Variants in IGBP1 observed in about 807,000 individuals in gnomAD.
IGBP1 encodes immunoglobulin binding protein 1, also known as immunoglobulin-binding protein 1.
Under a neutral mutation model 25.9 loss-of-function variants are expected in IGBP1, and 2 were observed. The ratio of observed to expected loss-of-function variants is 0.08; its 90% CI spans 0.03 to 0.24. The LOEUF is 0.24. IGBP1 is among the 10% of genes least tolerant of loss of function. The pLI, the probability that IGBP1 is intolerant of heterozygous loss-of-function variation, is 1.00. For synonymous variants in IGBP1, 96 were observed against 93.4 expected (o/e 1.03, Z -0.16); for missense variants, 187 against 260.4 (o/e 0.72, Z 1.94).
Position 70,152,792 on chromosome X carries a change from T to G in IGBP1, c.871+2470T>G, listed in dbSNP as rs4272541. On this transcript the variant is annotated intron_variant, in intron 6 of 6. Coordinates refer to ENST00000356413, the MANE Select transcript of IGBP1 (RefSeq NM_001551.3). ...TTAACTTGAAGATCAATAGAAATTA[T>G]CCAATTTGAAAAAAAAGATTGGATA... Among the ~76,000 whole-genome samples, 336 of 110,012 alleles carry G rather than the reference T, an allele frequency of 3.1e-3. 3 individuals are homozygous for G. Among genetic ancestry groups the G allele is most frequent in the African/African-American group, 0.011 (325 of 30,249 alleles).
At position 70,166,172 on chromosome X, in the gene IGBP1, G is replaced by A; in HGVS notation, c.*191G>A. 1 of 433,559 alleles carries A rather than the reference G, an allele frequency of 2.3e-6. No homozygotes were observed. The highest frequency in any genetic ancestry group is 4.0e-5 in the South Asian group (1 of 24,820). The allele number at this position is 433,559 out of a possible 1,213,427, so 35.7% of individuals were successfully genotyped here. ...GTACCCTAGATGATATGAACCAGCAGTCTTGTTTTGGCATCATCCTCATCA... is the reference window on the plus strand; with the variant it reads ...GTACCCTAGATGATATGAACCAGCAATCTTGTTTTGGCATCATCCTCATCA... On this transcript the variant is annotated 3_prime_UTR_variant, in exon 7 of 7. Transcript: ENST00000356413.
At position 70,143,008 on chromosome X, in the gene IGBP1, C is replaced by T. The variant is rs184042246; in HGVS notation, c.483-3625C>T. 2.4e-3 allele frequency among the ~76,000 whole-genome samples: 251 copies of T among 105,114 alleles called. 4 individuals carry two copies. Among genetic ancestry groups the T allele is most frequent in the African/African-American group, 8.4e-3 (241 of 28,666 alleles). 91.3% of individuals were successfully genotyped at this position (105,114 alleles called of 115,157 possible). ...GCGCGACCTCGGCTCACTGCAAGCT[C>T]CGCCTCCCGGGTTCAAGCCATTCTC... On this transcript the variant is annotated intron_variant, in intron 3 of 6. Coordinates refer to ENST00000356413, the MANE Select transcript of IGBP1 (RefSeq NM_001551.3).
chrX:70,160,475 G>A (rs2085265529), intron 6 of IGBP1, among the ~76,000 whole-genome samples: 1 of 111,715 alleles, frequency 9.0e-6, no homozygotes, highest in Non-Finnish European at 1.9e-5. Context: ...AACTCAGAGG[G>A]AAAAAAATGT....
chrX:70,133,947 G>C lies in IGBP1; in HGVS notation c.-1G>C. On this transcript the variant is annotated 5_prime_UTR_variant, in exon 2 of 7. Transcript: ENST00000356413. Reference sequence around the variant, plus strand: ...ATCTTCCGGGTTCCTCTCTCCCCAAGATGGCTGCTGAGGACGAGTTACAGC... The same window carrying C: ...ATCTTCCGGGTTCCTCTCTCCCCAACATGGCTGCTGAGGACGAGTTACAGC... The C allele has an allele frequency of 8.3e-7, 1 of 1,209,986 alleles. No individual in the cohort carries two copies. Among genetic ancestry groups the C allele is most frequent in the Non-Finnish European group, 1.1e-6 (1 of 894,052 alleles).
At chrX:70,138,695 C>G (rs910482474) in intron 3 of IGBP1, among the ~76,000 whole-genome samples, 4 of 110,508 alleles carry the variant, frequency 3.6e-5, no homozygotes, top group Non-Finnish European at 5.7e-5. Flanking sequence ...GCTTTTTATC[C>G]TGTTTTTTTA....
At chrX:70,146,176 G>C (rs1314063309) in intron 3 of IGBP1, among the ~76,000 whole-genome samples, 1 of 111,918 alleles carries the variant, frequency 8.9e-6, no homozygotes, top group Non-Finnish European at 1.9e-5. Flanking sequence ...AAGAAAAAAA[G>C]AGTTGATCAT....
intron 3 of IGBP1, among the ~76,000 whole-genome samples, chrX:70,144,061 A>G (rs1196831415): frequency 2.7e-5 from 3 of 111,947 alleles, no homozygotes; most frequent in Non-Finnish European, 3.8e-5. Flanking sequence ...GGTGGTGCAC[A>G]CCTATAATCC....
intron 3 of IGBP1, among the ~76,000 whole-genome samples, chrX:70,137,969 C>CAAAAAAAAAA (rs151148886): frequency 1.1e-3 from 74 of 67,543 alleles, no homozygotes; most frequent in African/African-American, 3.8e-3. Context: ...GCCATCTCTG[C>CAAAAAAAAAA]AAAAAAAAAA....
chrX:70,134,578 C>A lies in IGBP1; in HGVS notation c.244C>A (p.Pro82Thr). 2 of 1,211,122 alleles carry A rather than the reference C, an allele frequency of 1.7e-6. No individual in the cohort carries two copies. Among genetic ancestry groups the A allele is most frequent in the Middle Eastern group, 2.3e-4 (1 of 4,327 alleles). The change falls in exon 3 of 7, where the codon CCA becomes ACA. Residue 82 changes from proline (P) to threonine (T), a missense_variant. Transcript: ENST00000356413. ...ASTDLKYLLV[P>T]AFQGALTMKQ... ...CACCGACCTGAAGTACCTTTTGGTGCCAGCGTTTCAAGGAGCCCTCACCAT... is the reference window on the plus strand; with the variant it reads ...CACCGACCTGAAGTACCTTTTGGTGACAGCGTTTCAAGGAGCCCTCACCAT...
intron 6 of IGBP1, among the ~76,000 whole-genome samples, 154 bp from the exon 7 acceptor site, chrX:70,165,679 T>A (rs2085293962): frequency 9.0e-6 from 1 of 111,287 alleles, no homozygotes; most frequent in Admixed American, 9.6e-5. Flanking sequence ...TAATGCAAGT[T>A]CTCTCCCCGC....
intron 3 of IGBP1, among the ~76,000 whole-genome samples, chrX:70,142,805 T>C (rs1477105826): frequency 9.2e-6 from 1 of 108,614 alleles, no homozygotes; most frequent in East Asian, 2.9e-4. Context: ...CGCAACGAAG[T>C]GAGACCAAAA....
intron 5 of IGBP1, among the ~76,000 whole-genome samples, chrX:70,149,244 A>G (rs1357379945): frequency 9.0e-6 from 1 of 111,052 alleles, no homozygotes; most frequent in Non-Finnish European, 1.9e-5. Context: ...AAAAAAAAAA[A>G]AGTCATGATC....
At chrX:70,138,289 T>C (rs1024973083) in intron 3 of IGBP1, among the ~76,000 whole-genome samples, 1 of 110,652 alleles carries the variant, frequency 9.0e-6, no homozygotes, top group Non-Finnish European at 1.9e-5. Flanking sequence ...AAGACCAGCC[T>C]AGGCAACAAA....
chrX:70,143,674 C>CAGTAGT (rs1333005330), intron 3 of IGBP1, among the ~76,000 whole-genome samples: 1 of 89,233 alleles, frequency 1.1e-5, no homozygotes, highest in East Asian at 3.9e-4. Flanking sequence ...AGGTCTAAGA[C>CAGTAGT]AGTAGTTTTC....
At chrX:70,138,890 G>C (rs754079828) in intron 3 of IGBP1, among the ~76,000 whole-genome samples, 2 of 111,938 alleles carry the variant, frequency 1.8e-5, no homozygotes, top group Admixed American at 9.5e-5. Flanking sequence ...GTTTCCTTAG[G>C]GTAGATTTCT....
rs2085296633 is a variant in IGBP1 at position 70,166,145 on chromosome X, T to C, written c.*164T>C. On this transcript the variant is annotated 3_prime_UTR_variant, in exon 7 of 7. Transcript: ENST00000356413. ...AAGTGTCAAGTGATTAAGTGTGTAT[T>C]TGTACCCTAGATGATATGAACCAGC... The C allele has an allele frequency of 4.2e-6, 2 of 474,478 alleles. No individual in the cohort carries two copies. Among genetic ancestry groups the C allele is most frequent in the South Asian group, 7.1e-5 (2 of 28,214 alleles). 39.1% of individuals were successfully genotyped at this position (474,478 alleles called of 1,213,427 possible).
At chrX:70,141,594 C>T (rs1238368819) in intron 3 of IGBP1, among the ~76,000 whole-genome samples, 1 of 111,319 alleles carries the variant, frequency 9.0e-6, no homozygotes, top group East Asian at 2.8e-4. Context: ...TAATTGCATC[C>T]CCTTGGTGCT....
At chrX:70,153,318 C>T (rs770471989) in intron 6 of IGBP1, among the ~76,000 whole-genome samples, 7 of 112,029 alleles carry the variant, frequency 6.2e-5, no homozygotes, top group African/African-American at 1.3e-4. Context: ...AAGGAAATTC[C>T]TCAGGCTGAG....
chrX:70,133,520 A>ACTCGCT lies in IGBP1; in HGVS notation c.-245_-244insTCGCTC, dbSNP rs960192067. On this transcript the variant is annotated 5_prime_UTR_variant, in exon 1 of 7. Transcript: ENST00000356413. ...GCGGCTAGAGTCCCTGGACTCCTCA[A>ACTCGCT]CCTAGGGAGCTACTCGCGAGGTAAG... The ACTCGCT allele has an allele frequency of 2.6e-5, 9 of 339,811 alleles. No individual in the cohort carries two copies. Among genetic ancestry groups the ACTCGCT allele is most frequent in the Non-Finnish European group, 4.1e-5 (8 of 197,433 alleles). 28.0% of individuals were successfully genotyped at this position (339,811 alleles called of 1,213,427 possible).
Sources: gnomAD v4.1 joint callset for allele counts (sites outside exome capture counted in the v4.1 genomes callset) on GRCh38, gnomAD v4.1.1 for gene constraint, MANE v1.5 for transcripts, NCBI Gene and HGNC (gene_info 2026-07-23, HGNC 2026-07-21) for gene names.